NRXN1: variants seen among roughly 807,000 people sequenced by gnomAD.
NRXN1 encodes neurexin-1.
In NRXN1, 39 loss-of-function variants were observed where a neutral mutation model predicts 150.9. The observed-to-expected ratio is 0.26, with a 90% confidence interval of 0.20 to 0.34. NRXN1 has a LOEUF of 0.34. Ranked by LOEUF, NRXN1 falls within the 10% of genes least tolerant of loss-of-function variation. NRXN1 has a pLI of 1.00. For synonymous variants in NRXN1, 924 were observed against 757.0 expected (o/e 1.22, Z -3.62); for missense variants, 1,815 against 1,949.9 (o/e 0.93, Z 1.30).
At chr2:50,749,834 C>A (rs138325042) in intron 5 of NRXN1, among the ~76,000 whole-genome samples, 3 of 152,028 alleles carry the variant, frequency 2.0e-5, no homozygotes, top group African/African-American at 4.8e-5. Flanking sequence ...TATCCAAGGT[C>A]CCAAGTACAT....
At chr2:50,853,389 G>C (rs754546499) in intron 5 of NRXN1, among the ~76,000 whole-genome samples, 3 of 152,100 alleles carry the variant, frequency 2.0e-5, no homozygotes, top group Non-Finnish European at 2.9e-5. Context: ...ATTATTTGAA[G>C]TGGAACAGGT....
rs1667721449 is a variant in NRXN1, at chr2:50,552,798, G to C, written c.1548C>G (p.Leu516=). 1.2e-6 allele frequency: 2 copies of C among 1,613,820 alleles called. No homozygotes were observed. The highest frequency in any genetic ancestry group is 1.7e-6 in the Non-Finnish European group (2 of 1,179,868). Residue 516 remains leucine, a synonymous_variant, in exon 9 of 23, where the codon CTC becomes CTG. Coordinates refer to ENST00000401669, the MANE Select transcript of NRXN1 (RefSeq NM_001330078.2). ...FDFRTTEPNG[L]ILFSHGKPRH... ...TTGGCTTGCCATGGCTAAATAAGATGAGGCCATTTGGCTCTGTTGTACGGA... is the reference window on the plus strand; with the variant it reads ...TTGGCTTGCCATGGCTAAATAAGATCAGGCCATTTGGCTCTGTTGTACGGA...
At chr2:49,996,530 G>A (rs2152527280) in intron 21 of NRXN1, among the ~76,000 whole-genome samples, 1 of 152,318 alleles carries the variant, frequency 6.6e-6, no homozygotes, top group African/African-American at 2.4e-5. Context: ...AGACTCTTGA[G>A]TTGGAGATAT....
At chr2:50,298,974 G>T (rs184555385) in intron 17 of NRXN1, among the ~76,000 whole-genome samples, 1 of 152,202 alleles carries the variant, frequency 6.6e-6, no homozygotes, top group East Asian at 1.9e-4. Flanking sequence ...GTCTTCCATA[G>T]ATACGAAATT....
intron 18 of NRXN1, among the ~76,000 whole-genome samples, chr2:50,220,674 G>C (rs115016254): frequency 6.6e-6 from 1 of 151,892 alleles, no homozygotes; most frequent in African/African-American, 2.4e-5. Flanking sequence ...TCAGTTCCAC[G>C]TCTTTTTGTG....
At chr2:50,965,631 G>C (rs1693941399) in intron 2 of NRXN1, among the ~76,000 whole-genome samples, 1 of 151,090 alleles carries the variant, frequency 6.6e-6, no homozygotes, top group Non-Finnish European at 1.5e-5. Flanking sequence ...TAATTTCATG[G>C]AGCTAAAATA....
intron 18 of NRXN1, among the ~76,000 whole-genome samples, chr2:50,224,693 AAGAGAGAGAGAGAGAGAGAGAG>A (rs201700032): frequency 1.6e-4 from 21 of 130,450 alleles, no homozygotes; most frequent in Non-Finnish European, 2.8e-4. Context: ...GAGAGGGAGA[AAGAGAGAGAGAGAGAGAGAGAG>A]AGAGAGAGAG....
At chr2:51,017,502 GCTTTTTTT>G (rs1668885986) in intron 2 of NRXN1, among the ~76,000 whole-genome samples, 2 of 72,886 alleles carry the variant, frequency 2.7e-5, no homozygotes, top group Admixed American at 2.0e-4. Flanking sequence ...ACCACATCTG[GCTTTTTTT>G]TTTTTTTTTT....
chr2:50,052,986 A>T (rs913947718), intron 21 of NRXN1, among the ~76,000 whole-genome samples: 1 of 152,172 alleles, frequency 6.6e-6, no homozygotes, highest in Non-Finnish European at 1.5e-5. Flanking sequence ...TAATTAGCAG[A>T]CGATCTACTC....
chr2:50,791,648 G>GGTTTCC (rs1706065551), intron 5 of NRXN1, among the ~76,000 whole-genome samples: 1 of 152,104 alleles, frequency 6.6e-6, no homozygotes, highest in Non-Finnish European at 1.5e-5. Context: ...TCTATTCAGA[G>GGTTTCC]GTTTCCGTGA....
intron 5 of NRXN1, among the ~76,000 whole-genome samples, chr2:50,705,047 CAA>C (rs913554343): frequency 3.4e-5 from 4 of 116,702 alleles, no homozygotes; most frequent in African/African-American, 1.4e-4. Context: ...CACAGAAACA[CAA>C]ACACACACAC....
intron 12 of NRXN1, among the ~76,000 whole-genome samples, chr2:50,519,983 T>C: frequency 6.6e-6 from 1 of 151,968 alleles, no homozygotes; most frequent in East Asian, 1.9e-4. Context: ...ACATAATGTT[T>C]ACAAGATGTT....
intron 18 of NRXN1, among the ~76,000 whole-genome samples, chr2:50,155,684 T>G (rs1432394085): frequency 6.6e-6 from 1 of 151,472 alleles, no homozygotes; most frequent in Non-Finnish European, 1.5e-5. Flanking sequence ...TGTAGAATAT[T>G]TTATCTAAAA....
chr2:50,055,962 C>A (rs974626381), intron 19 of NRXN1, among the ~76,000 whole-genome samples: 1 of 151,964 alleles, frequency 6.6e-6, no homozygotes, highest in Non-Finnish European at 1.5e-5. Flanking sequence ...TTTAAATTGA[C>A]CTTGAATATT....
chr2:50,770,622 G>T (rs1224146733), intron 5 of NRXN1, among the ~76,000 whole-genome samples: 1 of 151,852 alleles, frequency 6.6e-6, no homozygotes, highest in Non-Finnish European at 1.5e-5. Context: ...AACCATAATT[G>T]CTTACAATTA....
In NRXN1 at chr2:50,242,163, C is replaced by A. The variant is rs559822532; in HGVS notation, c.3365-5193G>T. 3.3e-4 allele frequency among the ~76,000 whole-genome samples: 50 copies of A among 151,736 alleles called. No individual in the cohort carries two copies. The Middle Eastern group carries it at 0.014, about 41-fold the overall frequency. On this transcript the variant is annotated intron_variant, in intron 17 of 22. Transcript: ENST00000401669. ...GAAAGTTTACAGTGAAAGCCAGGTA[C>A]CCAGATGAATATTAAAAGTAAAGCA...
intron 18 of NRXN1, among the ~76,000 whole-genome samples, chr2:50,228,759 G>C (rs1423292550): frequency 6.6e-6 from 1 of 151,980 alleles, no homozygotes; most frequent in Non-Finnish European, 1.5e-5. Context: ...TGGGCAGGAA[G>C]GATTTAAGGG....
At chr2:50,920,899 C>A (rs1574934938) in intron 5 of NRXN1, among the ~76,000 whole-genome samples, 2 of 151,604 alleles carry the variant, frequency 1.3e-5, no homozygotes, top group African/African-American at 4.8e-5. Context: ...TTACATATTG[C>A]CTGGCTCATG....
chr2:50,400,728 G>C (rs534899797), intron 17 of NRXN1, among the ~76,000 whole-genome samples: 3 of 152,152 alleles, frequency 2.0e-5, no homozygotes, highest in African/African-American at 7.2e-5. Flanking sequence ...CTAGAATTCT[G>C]AATGCTGAAA....
Sources: allele counts gnomAD v4.1 joint callset (sites outside exome capture counted in the v4.1 genomes callset), GRCh38; gene constraint gnomAD v4.1.1; transcripts MANE v1.5; gene names NCBI Gene and HGNC (gene_info 2026-07-23, HGNC 2026-07-21).